The following CDC123 variants were observed in gnomAD, a reference collection of about 807,000 sequenced individuals.
CDC123 encodes the protein cell division cycle 123.
Under a neutral mutation model 54.4 loss-of-function variants are expected in CDC123, and 37 were observed. That is an observed-to-expected ratio of 0.68 (90% confidence interval 0.52 to 0.89). The LOEUF (loss-of-function observed/expected upper bound fraction) is 0.89. Ranked by LOEUF, CDC123 falls within the 40% of genes least tolerant of loss-of-function variation. CDC123 has a pLI of 0.00. For synonymous variants in CDC123, 144 were observed against 136.8 expected, an observed-to-expected ratio of 1.05 and a Z score of -0.37; for missense variants, 361 against 412.1, an observed-to-expected ratio of 0.88 and a Z score of 1.07.
intron 10 of CDC123, 111 bp downstream of exon 10, chr10:12,238,596 C>G (rs1836010000): frequency 7.6e-7 from 1 of 1,313,516 alleles, no homozygotes; most frequent in Admixed American, 2.5e-5. Context: ...AATATTTTGT[C>G]TGGGTGCAGC....
At chr10:12,213,926 A>G (rs1019198178) in intron 4 of CDC123, among the ~76,000 whole-genome samples, 2 of 152,096 alleles carry the variant, frequency 1.3e-5, no homozygotes, top group South Asian at 2.1e-4. Context: ...GAATTAGTTC[A>G]TGTCACTATC....
At chr10:12,219,149 A>G (rs1041943363) in intron 6 of CDC123, among the ~76,000 whole-genome samples, 3 of 152,220 alleles carry the variant, frequency 2.0e-5, no homozygotes, top group African/African-American at 4.8e-5. Context: ...TAAGTTCACT[A>G]CGTGTCGGTC....
chr10:12,241,781 GAGA>G (rs915559994), intron 10 of CDC123, among the ~76,000 whole-genome samples: 6 of 152,122 alleles, frequency 3.9e-5, no homozygotes, highest in African/African-American at 1.2e-4. Flanking sequence ...AACTCATTCA[GAGA>G]AGAACAGTCA....
At chr10:12,203,975 C>A (rs918442981) in intron 2 of CDC123, among the ~76,000 whole-genome samples, 7 of 151,854 alleles carry the variant, frequency 4.6e-5, no homozygotes, top group Admixed American at 3.9e-4. Flanking sequence ...CACCTGTAGT[C>A]CCAGCTGCTC....
At chr10:12,221,447 G>A (rs1835735861) in intron 6 of CDC123, among the ~76,000 whole-genome samples, 1 of 152,178 alleles carries the variant, frequency 6.6e-6, no homozygotes, top group African/African-American at 2.4e-5. Flanking sequence ...GTTTCCTCTT[G>A]TTCTTTTCTG....
intron 3 of CDC123, 40 bp from the exon 4 acceptor site, chr10:12,210,250 T>C (rs775133872): frequency 6.2e-7 from 1 of 1,609,562 alleles, no homozygotes; most frequent in Admixed American, 1.7e-5. Context: ...AGTGCAGTAT[T>C]TAAATTTAAT....
chr10:12,197,684 G>A (rs1236492460), intron 1 of CDC123, among the ~76,000 whole-genome samples: 2 of 150,824 alleles, frequency 1.3e-5, no homozygotes, highest in African/African-American at 4.9e-5. Flanking sequence ...GCCAGAACTA[G>A]ATTTTTGAAT....
intron 10 of CDC123, among the ~76,000 whole-genome samples, chr10:12,241,905 A>G (rs1730340371): frequency 6.6e-6 from 1 of 152,246 alleles, no homozygotes; most frequent in Admixed American, 6.5e-5. Flanking sequence ...CCAGGCTGCT[A>G]GGAGACCCTC....
chr10:12,209,931 C>A lies in CDC123; in HGVS notation c.147-36C>A, dbSNP rs931042498. Reference sequence around the variant, plus strand: ...AATTAGGAGCATGCGGTGCCCAAGTCCTTTTCTTTCTTGATGTTTGTTTGT... The same window carrying A: ...AATTAGGAGCATGCGGTGCCCAAGTACTTTTCTTTCTTGATGTTTGTTTGT... On this transcript the variant is annotated intron_variant, in intron 2 of 12. Transcript: ENST00000281141. The A allele has an allele frequency of 1.9e-6, 3 of 1,607,838 alleles. No homozygotes were observed. The South Asian group carries it at 3.3e-5, about 18-fold the overall frequency.
At chr10:12,239,332 T>A (rs1489261869) in intron 10 of CDC123, among the ~76,000 whole-genome samples, 1 of 152,188 alleles carries the variant, frequency 6.6e-6, no homozygotes, top group African/African-American at 2.4e-5. Context: ...ACGTCCTATG[T>A]CTCATTTGTG....
rs1836227657 is a variant in CDC123, at chr10:12,250,556, A to G, written c.*219A>G. On this transcript the variant is annotated 3_prime_UTR_variant, in exon 13 of 13. Transcript: ENST00000281141. ...TAGATCTTAAACATAGGAAAACCAT[A>G]CTGTTCTGATAATAAAATGCTTTCT... The G allele has an allele frequency of 1.8e-6, 1 of 546,288 alleles. No individual in the cohort carries two copies. The highest frequency in any genetic ancestry group is 3.4e-6 in the Non-Finnish European group (1 of 298,466). 33.8% of individuals were successfully genotyped at this position (546,288 alleles called of 1,614,324 possible).
chr10:12,249,429 G>A lies in CDC123; in HGVS notation c.847-152G>A, dbSNP rs550378145. 564 of 776,350 alleles carry A rather than the reference G, an allele frequency of 7.3e-4. 3 individuals are homozygous for A. The African/African-American group carries it at 8.8e-3, about 12-fold the overall frequency. 48.1% of individuals were successfully genotyped at this position (776,350 alleles called of 1,614,324 possible). A position where few individuals can be genotyped will look rare whatever the true frequency, so the allele number is the denominator to read the frequency against. ...ATTACAGACGTGAGCCACCGTGCCC[G>A]GCTCATTTTAACTTAAGCATCTTCC... is the stretch of plus-strand genomic sequence containing the variant. On this transcript the variant is annotated intron_variant, in intron 11 of 12. Coordinates refer to ENST00000281141, the MANE Select transcript of CDC123 (RefSeq NM_006023.3).
At position 12,237,958 on chromosome 10, in the gene CDC123, A is replaced by C. The variant is rs76821800; in HGVS notation, c.689-499A>C. Reference sequence around the variant, plus strand: ...GTATATTGTGTAAGAGTTTTCATACATCTGAAAATTATATCTGCTATGATT... The same window carrying C: ...GTATATTGTGTAAGAGTTTTCATACCTCTGAAAATTATATCTGCTATGATT... On this transcript the variant is annotated intron_variant, in intron 9 of 12. Coordinates refer to ENST00000281141, the MANE Select transcript of CDC123 (RefSeq NM_006023.3). 6.2e-3 allele frequency among the ~76,000 whole-genome samples: 945 copies of C among 152,352 alleles called. 14 individuals carry two copies. Among genetic ancestry groups the C allele is most frequent in the African/African-American group, 0.022 (912 of 41,564 alleles).
rs551550615 is a variant in CDC123, at chr10:12,196,736, T to C, written c.74+417T>C. On this transcript the variant is annotated intron_variant, in intron 1 of 12. Coordinates refer to ENST00000281141, the MANE Select transcript of CDC123 (RefSeq NM_006023.3). ...AGATACGAGAACAAGTTCACAGATA[T>C]GTCGTACAGCATGGAGGCTATAGTT... Among the ~76,000 whole-genome samples, 6 of 152,318 alleles carry C rather than the reference T, an allele frequency of 3.9e-5. No individual in the cohort carries two copies. The South Asian group carries it at 1.0e-3, about 26-fold the overall frequency.
At chr10:12,221,298 C>T (rs1835734052) in intron 6 of CDC123, among the ~76,000 whole-genome samples, 1 of 148,300 alleles carries the variant, frequency 6.7e-6, no homozygotes, top group South Asian at 2.1e-4. Flanking sequence ...CTTTCAGGCC[C>T]TTTCCTTCCA....
rs568354404 is a variant in CDC123, at chr10:12,250,152, G to A, written c.985-159G>A. ...CAAATACCTGAGGATAATTTGCTCA[G>A]GAGTCAAAGTGATAAACTAGTTTAA... On this transcript the variant is annotated intron_variant, in intron 12 of 12. Transcript: ENST00000281141. 5 of 513,068 alleles carry A rather than the reference G, an allele frequency of 9.7e-6. No individual in the cohort carries two copies. In the Admixed American group the frequency reaches 1.9e-4, roughly 20 times the overall value. The allele number at this position is 513,068 out of a possible 1,614,324, so 31.8% of individuals were successfully genotyped here. A position where few individuals can be genotyped will look rare whatever the true frequency, so the allele number is the denominator to read the frequency against.
intron 6 of CDC123, 110 bp downstream of exon 6, chr10:12,217,577 C>A: frequency 9.2e-7 from 1 of 1,090,846 alleles, no homozygotes; most frequent in Non-Finnish European, 1.2e-6. Context: ...CTCCATATAA[C>A]AAAGCTATTT....
At chr10:12,241,690 T>G (rs960557607) in intron 10 of CDC123, among the ~76,000 whole-genome samples, 3 of 152,226 alleles carry the variant, frequency 2.0e-5, no homozygotes, top group African/African-American at 7.2e-5. Flanking sequence ...GAGCTTGTTC[T>G]TTTTGTTTGT....
intron 6 of CDC123, 36 bp from the exon 7 acceptor site, chr10:12,230,911 CA>C (rs1471911543): frequency 6.2e-7 from 1 of 1,600,614 alleles, no homozygotes; most frequent in South Asian, 1.1e-5. Flanking sequence ...GCACCAGTAA[CA>C]AAAAGATTCA....
Sources: allele counts gnomAD v4.1 joint callset (sites outside exome capture counted in the v4.1 genomes callset), GRCh38; gene constraint gnomAD v4.1.1; transcripts MANE v1.5; gene names NCBI Gene and HGNC (gene_info 2026-07-23, HGNC 2026-07-21).